RAD54B: variants seen among roughly 807,000 people sequenced by gnomAD.
RAD54B encodes the protein RAD54 homolog B, also known as DNA repair and recombination protein RAD54B.
Under a neutral mutation model 95.8 loss-of-function variants are expected in RAD54B, and 78 were observed. The ratio of observed to expected loss-of-function variants is 0.81; its 90% CI spans 0.68 to 0.98. RAD54B has a LOEUF of 0.98. Ranked by LOEUF, RAD54B falls within the 50% of genes least tolerant of loss-of-function variation. RAD54B has a pLI of 0.00. For missense variants in RAD54B, 957 were observed against 1,056.6 expected (o/e 0.91, Z 1.31); for synonymous variants, 328 against 354.9 (o/e 0.92, Z 0.85).
chr8:94,468,419 G>T (rs1201432263), intron 1 of RAD54B, among the ~76,000 whole-genome samples: 1 of 152,112 alleles, frequency 6.6e-6, no homozygotes, highest in South Asian at 2.1e-4. Context: ...TATGTAAAAA[G>T]GTAAAAGGGG....
At chr8:94,377,693 T>C (rs1426233897) in intron 14 of RAD54B, among the ~76,000 whole-genome samples, 2 of 151,378 alleles carry the variant, frequency 1.3e-5, no homozygotes, top group African/African-American at 4.9e-5. Context: ...AAGAGTCTAC[T>C]GGGCCGGGCG....
intron 10 of RAD54B, among the ~76,000 whole-genome samples, chr8:94,388,760 T>C (rs1364217996): frequency 6.6e-6 from 1 of 152,146 alleles, no homozygotes; most frequent in East Asian, 1.9e-4. Context: ...TACTAGGAAC[T>C]CTAAAATATT....
chr8:94,377,868 C>T (rs1810631107), intron 14 of RAD54B, among the ~76,000 whole-genome samples: 3 of 145,406 alleles, frequency 2.1e-5, no homozygotes, highest in South Asian at 4.4e-4. Context: ...CCCAGCTACT[C>T]GGGAGGCTGA....
At chr8:94,432,779 T>TA (rs936318996) in intron 3 of RAD54B, 272 of 1,233,720 alleles carry the variant, frequency 2.2e-4, no homozygotes, top group South Asian at 5.4e-4. Context: ...AGTTACAAAA[T>TA]AAAAAAAAAT....
intron 3 of RAD54B, among the ~76,000 whole-genome samples, chr8:94,445,215 T>C (rs1000685248): frequency 6.6e-6 from 1 of 152,154 alleles, no homozygotes; most frequent in Non-Finnish European, 1.5e-5. Flanking sequence ...ATGAGATCTC[T>C]TGGGCCTATT....
chr8:94,426,042 T>G (rs143325292), intron 3 of RAD54B, among the ~76,000 whole-genome samples: 1 of 152,218 alleles, frequency 6.6e-6, no homozygotes, highest in African/African-American at 2.4e-5. Flanking sequence ...AACCTCTGCC[T>G]CCCAGATTCA....
intron 6 of RAD54B, among the ~76,000 whole-genome samples, chr8:94,400,977 T>G (rs929438891): frequency 1.3e-5 from 2 of 152,174 alleles, no homozygotes; most frequent in Non-Finnish European, 1.5e-5. Context: ...ATACATATAA[T>G]TTAGTAAAAG....
At chr8:94,445,967 T>G (rs1484422644) in intron 3 of RAD54B, among the ~76,000 whole-genome samples, 2 of 152,226 alleles carry the variant, frequency 1.3e-5, no homozygotes, top group Non-Finnish European at 2.9e-5. Context: ...AGCAAAATTT[T>G]AATTGTAGAC....
chr8:94,396,609 TCAC>T (rs1362626427), intron 8 of RAD54B, among the ~76,000 whole-genome samples: 5 of 152,144 alleles, frequency 3.3e-5, no homozygotes, highest in African/African-American at 4.8e-5. Context: ...TAGATATTCA[TCAC>T]CACATTATTT....
At chr8:94,467,841 A>G (rs2062014157) in intron 1 of RAD54B, 3 of 238,928 alleles carry the variant, frequency 1.3e-5, no homozygotes, top group African/African-American at 4.5e-5. Context: ...TTCCCTCTAG[A>G]AACTAAAGGT....
chr8:94,411,423 A>G, intron 3 of RAD54B, 108 bp from the exon 4 acceptor site: 1 of 804,082 alleles, frequency 1.2e-6, no homozygotes, highest in Non-Finnish European at 1.9e-6. Context: ...TATATTAAGA[A>G]ATAGTATGAA....
intron 10 of RAD54B, among the ~76,000 whole-genome samples, chr8:94,389,113 G>A (rs1810957196): frequency 6.6e-6 from 1 of 152,136 alleles, no homozygotes; most frequent in African/African-American, 2.4e-5. Flanking sequence ...AGTACAGGGA[G>A]ATGGGTGATC....
At chr8:94,436,988 C>A in intron 3 of RAD54B, 2 of 1,408,148 alleles carry the variant, frequency 1.4e-6, no homozygotes, top group Non-Finnish European at 9.2e-7. Flanking sequence ...TTTAGGCCCA[C>A]GCCTACAGGG....
At chr8:94,456,776 G>A (rs1249094020) in intron 3 of RAD54B, among the ~76,000 whole-genome samples, 1 of 152,164 alleles carries the variant, frequency 6.6e-6, no homozygotes, top group African/African-American at 2.4e-5. Context: ...TCATCTCTAT[G>A]CTTTTCTATA....
chr8:94,387,054 T>G lies in RAD54B; in HGVS notation c.1915A>C (p.Lys639Gln). 1 of 1,613,632 alleles carries G rather than the reference T, an allele frequency of 6.2e-7. No homozygotes were observed. The highest frequency in any genetic ancestry group is 8.5e-7 in the Non-Finnish European group (1 of 1,179,704). ...ADYNPLLFTEKESGKLQVLSK... is the reference protein window; with the variant it reads ...ADYNPLLFTEQESGKLQVLSK... ...AACACCTGTAGTTTTCCTGACTCCT[T>G]TTCAGTAAACAGGAGAGGGTTGTAG... The change falls in exon 11 of 15, where the codon AAG becomes CAG. Residue 639 changes from lysine (K) to glutamine (Q), a missense_variant. Transcript: ENST00000336148.
At chr8:94,407,995 C>T (rs534226432) in intron 4 of RAD54B, among the ~76,000 whole-genome samples, 7 of 152,096 alleles carry the variant, frequency 4.6e-5, no homozygotes, top group African/African-American at 1.7e-4. Context: ...ATCTCTTGTC[C>T]GGAAAAATTA....
intron 3 of RAD54B, among the ~76,000 whole-genome samples, chr8:94,434,833 T>G (rs897870291): frequency 2.0e-5 from 3 of 151,658 alleles, no homozygotes; most frequent in Admixed American, 6.6e-5. Flanking sequence ...GCCATAGGTA[T>G]AGAAATGTAC....
rs1404884583 is a variant in RAD54B, at chr8:94,422,629, T to A, written c.305-11314A>T. 8.9e-4 allele frequency among the ~76,000 whole-genome samples: 87 copies of A among 97,456 alleles called. 1 individual carries two copies. The highest frequency in any genetic ancestry group is 2.9e-3 in the African/African-American group (68 of 23,674). 63.9% of individuals were successfully genotyped at this position (97,456 alleles called of 152,430 possible). Reference sequence around the variant, plus strand: ...AAAAAAAAAAAAAAATATATATATATATATATATATATATATATATATATA... The same window carrying A: ...AAAAAAAAAAAAAAATATATATATAAATATATATATATATATATATATATA... On this transcript the variant is annotated intron_variant, in intron 3 of 14. Transcript: ENST00000336148.
chr8:94,399,439 AGAAAGGCTAAT>A lies in RAD54B; in HGVS notation c.1342_1352del (p.Ile448LeufsTer2). On this transcript the variant is annotated frameshift_variant, in exon 8 of 15. Coordinates refer to ENST00000336148, the MANE Select transcript of RAD54B (RefSeq NM_012415.3). LOFTEE classifies it high-confidence loss of function. ...CAGTTAGAATTATTCTTTTCTCACA[AGAAAGGCTAAT>A]GAGGGCTGTAGTTGTCTTAATGGCA... 3.1e-6 allele frequency: 5 copies of A among 1,613,464 alleles called. No individual in the cohort carries two copies. Among genetic ancestry groups the A allele is most frequent in the Non-Finnish European group, 4.2e-6 (5 of 1,179,586 alleles).
Sources: allele counts gnomAD v4.1 joint callset (sites outside exome capture counted in the v4.1 genomes callset), GRCh38; gene constraint gnomAD v4.1.1; transcripts MANE v1.5; gene names NCBI Gene and HGNC (gene_info 2026-07-23, HGNC 2026-07-21).